EPHA6: variants seen among roughly 807,000 people sequenced by gnomAD.
EPHA6 encodes ephrin type-A receptor 6.
A neutral mutation model predicts 112.0 loss-of-function variants in EPHA6; 50 were observed. The observed-to-expected ratio is 0.45, with a 90% CI of 0.36 to 0.56. The LOEUF (loss-of-function observed/expected upper bound fraction) is 0.56, where lower values mean the gene tolerates loss of function less well. EPHA6 is among the 20% of genes least tolerant of loss of function. EPHA6 has a pLI of 0.00. For missense variants in EPHA6, 1,280 were observed against 1,417.4 expected, an observed-to-expected ratio of 0.90 and a Z score of 1.56; for synonymous variants, 529 against 490.7, an observed-to-expected ratio of 1.08 and a Z score of -1.03.
At chr3:97,075,779 A>G (rs1163361080) in intron 3 of EPHA6, among the ~76,000 whole-genome samples, 1 of 151,742 alleles carries the variant, frequency 6.6e-6, no homozygotes, top group Non-Finnish European at 1.5e-5. Flanking sequence ...ATTTTTCAAT[A>G]GAATGTATTT....
intron 3 of EPHA6, among the ~76,000 whole-genome samples, chr3:97,006,282 C>T (rs2043875709): frequency 6.6e-6 from 1 of 152,124 alleles, no homozygotes; most frequent in Non-Finnish European, 1.5e-5. Context: ...TTAATTACTG[C>T]CTCAATTTAA....
intron 5 of EPHA6, among the ~76,000 whole-genome samples, chr3:97,385,354 G>A (rs1404205858): frequency 6.6e-6 from 1 of 152,030 alleles, no homozygotes; most frequent in East Asian, 1.9e-4. Context: ...AACATTAAAT[G>A]CATATCAAGA....
intron 14 of EPHA6, among the ~76,000 whole-genome samples, chr3:97,649,726 G>C (rs539393034): frequency 1.8e-4 from 28 of 151,536 alleles, no homozygotes; most frequent in African/African-American, 6.5e-4. Flanking sequence ...ATTAAGAAAA[G>C]AGCTATGCCA....
intron 2 of EPHA6, among the ~76,000 whole-genome samples, chr3:96,913,320 T>G (rs1332857491): frequency 6.6e-6 from 1 of 151,670 alleles, no homozygotes; most frequent in Non-Finnish European, 1.5e-5. Context: ...CAGCGAACTA[T>G]GATTGTGCCA....
intron 3 of EPHA6, among the ~76,000 whole-genome samples, chr3:97,221,504 T>C (rs1318456586): frequency 6.6e-6 from 1 of 152,022 alleles, no homozygotes; most frequent in Non-Finnish European, 1.5e-5. Flanking sequence ...GCAAGAAGTT[T>C]ATACATCCTA....
Position 97,747,539 on chromosome 3 carries a change from C to T in EPHA6, c.3245C>T (p.Thr1082Ile). The T allele has an allele frequency of 6.2e-7, 1 of 1,609,674 alleles. No individual in the cohort carries two copies. Among genetic ancestry groups the T allele is most frequent in the Non-Finnish European group, 8.5e-7 (1 of 1,177,704 alleles). The change falls in exon 17 of 18, where the codon ACA (threonine) becomes ATA (isoleucine). Residue 1082 changes from threonine to isoleucine, a missense_variant. Coordinates refer to ENST00000389672, the MANE Select transcript of EPHA6 (RefSeq NM_001080448.3). Reference sequence around the variant, plus strand: ...AATAACTTCGTGGCAGCAGGGTTTACAACATTTGACCTGATTTCAAGAATG... The same window carrying T: ...AATAACTTCGTGGCAGCAGGGTTTATAACATTTGACCTGATTTCAAGAATG... Reference protein sequence around the residue: ...YKNNFVAAGFTTFDLISRMSI... With the variant: ...YKNNFVAAGFITFDLISRMSI...
chr3:97,424,930 C>G lies in EPHA6; in HGVS notation c.1731+19656C>G, dbSNP rs572261403. Among the ~76,000 whole-genome samples the G allele has an allele frequency of 3.9e-5, 6 of 152,018 alleles. No individual in the cohort carries two copies. The East Asian group carries it at 1.2e-3, about 29-fold the overall frequency. ...AAAATGAAGAGGCTATAGGCCAATG[C>G]AAGTCCAAAATCAAACAAGTCAGTA... On this transcript the variant is annotated intron_variant, in intron 6 of 17. Transcript: ENST00000389672.
intron 1 of EPHA6, among the ~76,000 whole-genome samples, chr3:96,841,126 T>A (rs1412257789): frequency 1.3e-5 from 2 of 152,068 alleles, no homozygotes; most frequent in Non-Finnish European, 2.9e-5. Context: ...AAGATGTACA[T>A]TGGCTCAGTC....
intron 12 of EPHA6, among the ~76,000 whole-genome samples, chr3:97,609,329 C>T (rs1453387951): frequency 6.6e-6 from 1 of 151,390 alleles, no homozygotes; most frequent in African/African-American, 2.4e-5. Flanking sequence ...CTATCAGTCT[C>T]CTACCTCCAA....
At chr3:97,192,190 G>T (rs2077324763) in intron 3 of EPHA6, among the ~76,000 whole-genome samples, 1 of 152,118 alleles carries the variant, frequency 6.6e-6, no homozygotes, top group African/African-American at 2.4e-5. Flanking sequence ...AGGCTGGAGT[G>T]CAGTGGCATG....
chr3:96,935,701 TATTATATATAC>T (rs879566565), intron 2 of EPHA6, among the ~76,000 whole-genome samples: 4,604 of 147,632 alleles, frequency 0.031, 102 homozygotes, highest in South Asian at 0.062. Context: ...ACATTATGTA[TATTATATATAC>T]ATTATATATA....
chr3:97,163,662 C>A (rs1012004150), intron 3 of EPHA6, among the ~76,000 whole-genome samples: 1 of 152,074 alleles, frequency 6.6e-6, no homozygotes, highest in Non-Finnish European at 1.5e-5. Flanking sequence ...CATAGGAGAC[C>A]ATTACAGTCT....
intron 13 of EPHA6, among the ~76,000 whole-genome samples, chr3:97,621,487 T>C (rs1448545862): frequency 6.6e-6 from 1 of 151,878 alleles, no homozygotes; most frequent in African/African-American, 2.4e-5. Flanking sequence ...ACAAATCTGA[T>C]GCTCAGTGGA....
chr3:97,684,154 A>C (rs2032076988), intron 14 of EPHA6, among the ~76,000 whole-genome samples: 1 of 152,162 alleles, frequency 6.6e-6, no homozygotes, highest in Non-Finnish European at 1.5e-5. Context: ...ATGCTACTTT[A>C]TATCCACATT....
chr3:97,732,842 T>A (rs1026594074), intron 15 of EPHA6, among the ~76,000 whole-genome samples: 9 of 152,062 alleles, frequency 5.9e-5, no homozygotes, highest in Non-Finnish European at 1.2e-4. Flanking sequence ...TCACTCTTGC[T>A]GTTATTGCTA....
At chr3:96,997,027 T>C (rs2043448822) in intron 3 of EPHA6, among the ~76,000 whole-genome samples, 1 of 152,212 alleles carries the variant, frequency 6.6e-6, no homozygotes, top group Non-Finnish European at 1.5e-5. Context: ...CCTGCTGCTT[T>C]ACCTTGCATT....
At chr3:97,628,948 A>G (rs184491809) in intron 13 of EPHA6, among the ~76,000 whole-genome samples, 533 of 150,634 alleles carry the variant, frequency 3.5e-3, no homozygotes, top group African/African-American at 0.012. Flanking sequence ...TTGTTTGTTT[A>G]TTTATTTATT....
At chr3:97,227,964 T>C (rs555941548) in intron 4 of EPHA6, among the ~76,000 whole-genome samples, 1 of 152,240 alleles carries the variant, frequency 6.6e-6, no homozygotes, top group East Asian at 1.9e-4. Context: ...ATAGTTGATA[T>C]CAGCGGTGGA....
chr3:97,484,963 T>C (rs1016328543), intron 10 of EPHA6, among the ~76,000 whole-genome samples: 3 of 152,240 alleles, frequency 2.0e-5, no homozygotes, highest in African/African-American at 4.8e-5. Flanking sequence ...TGGACATACT[T>C]AATTGCTAGA....
Sources: gnomAD v4.1 joint callset for allele counts (sites outside exome capture counted in the v4.1 genomes callset) on GRCh38, gnomAD v4.1.1 for gene constraint, MANE v1.5 for transcripts, NCBI Gene and HGNC (gene_info 2026-07-23, HGNC 2026-07-21) for gene names.